The following CDK5 variants were observed in gnomAD, a reference collection of about 807,000 sequenced individuals.
CDK5 encodes cyclin dependent kinase 5.
A neutral mutation model predicts 44.6 loss-of-function variants in CDK5; 18 were observed. That is an observed-to-expected ratio of 0.40 (90% CI 0.28 to 0.60). The LOEUF (loss-of-function observed/expected upper bound fraction) is 0.60, where lower values mean the gene tolerates loss of function less well. Ranked by LOEUF, CDK5 falls within the 20% of genes least tolerant of loss-of-function variation. The probability of loss-of-function intolerance (pLI) is 0.38; values close to 1 mark genes in which losing one functional copy is unlikely to be tolerated. For synonymous variants in CDK5, 143 were observed against 152.8 expected, an observed-to-expected ratio of 0.94 and a Z score of 0.47; for missense variants, 198 against 368.1, an observed-to-expected ratio of 0.54 and a Z score of 3.78.
At chr7:151,055,128 A>C in intron 8 of CDK5, 32 bp from the exon 9 acceptor site, 2 of 1,600,392 alleles carry the variant, frequency 1.2e-6, no homozygotes, top group Non-Finnish European at 1.7e-6. Flanking sequence ...AAGATGTGAC[A>C]TGTGAAGGAC....
At position 151,057,680 on chromosome 7, in the gene CDK5, G is replaced by T. The variant is rs1262830415; in HGVS notation, c.37+132C>A. On this transcript the variant is annotated intron_variant, in intron 1 of 11. Transcript: ENST00000485972. This position sits in a 1 kb window ranked among gnomAD's most constrained non-coding sequence, Gnocchi z 5.2. ...GGTGTCTGCACGGAGTGCTGAGCTA[G>T]GGGGCCAGGGCTGCAGCCGCTGCTG... The T allele has an allele frequency of 5.2e-6, 5 of 961,436 alleles. No homozygotes were observed. In the African/African-American group the frequency reaches 8.1e-5, roughly 16 times the overall value. 59.6% of individuals were successfully genotyped at this position (961,436 alleles called of 1,614,324 possible).
Position 151,057,326 on chromosome 7 carries a change from G to A in CDK5, c.38-166C>T. On this transcript the variant is annotated intron_variant, in intron 1 of 11. Coordinates refer to ENST00000485972, the MANE Select transcript of CDK5 (RefSeq NM_004935.4). This position sits in a 1 kb window ranked among gnomAD's most constrained non-coding sequence, Gnocchi z 5.2. ...GAGTGAGGATGTGGCAGGTGGGGAG[G>A]GAGGAGAAGGTGCCCACCGAGGCTC... 1 of 670,210 alleles carries A rather than the reference G, an allele frequency of 1.5e-6. No individual in the cohort carries two copies. Among genetic ancestry groups the A allele is most frequent in the Non-Finnish European group, 2.7e-6 (1 of 371,520 alleles). 41.5% of individuals were successfully genotyped at this position (670,210 alleles called of 1,614,324 possible). A position where few individuals can be genotyped will look rare whatever the true frequency, so the allele number is the denominator to read the frequency against.
rs1461522168 is a variant in CDK5, at chr7:151,054,822, G to A, written c.650+205C>T. On this transcript the variant is annotated intron_variant, in intron 9 of 11. Transcript: ENST00000485972. This position sits in a 1 kb window ranked among gnomAD's most constrained non-coding sequence, Gnocchi z 5.7. ...CTTCACCCCTCAGGGCACGCTGCCT[G>A]TCTCCAAGCCACACCTTCTCCAGTG... Among the ~76,000 whole-genome samples, 3 of 152,168 alleles carry A rather than the reference G, an allele frequency of 2.0e-5. No homozygotes were observed. The highest frequency in any genetic ancestry group is 1.3e-4 in the Admixed American group (2 of 15,286).
Position 151,057,157 on chromosome 7 carries a change from G to A in CDK5, c.41C>T (p.Thr14Ile). The change falls in exon 2 of 12, where the codon ACC (threonine) becomes ATC (isoleucine). Residue 14 changes from threonine (T) to isoleucine (I), a missense_variant. Thr to Ile is a moderately conservative substitution (Grantham distance 89). Coordinates refer to ENST00000485972, the MANE Select transcript of CDK5 (RefSeq NM_004935.4). The surrounding 1 kb of genome is among the most constrained non-coding windows in gnomAD (Gnocchi z 5.2). ...TTTGGCCTTGAACACAGTTCCGTAG[G>A]TGCCTAGGGGAAGGAGGTCAGGGGT... is the stretch of plus-strand genomic sequence containing the variant. ...YEKLEKIGEGTYGTVFKAKNR... is the reference protein window; with the variant it reads ...YEKLEKIGEGIYGTVFKAKNR... 6.2e-7 allele frequency: 1 copy of A among 1,613,664 alleles called. No individual in the cohort carries two copies. Among genetic ancestry groups the A allele is most frequent in the Non-Finnish European group, 8.5e-7 (1 of 1,179,588 alleles).
rs766731629 is a variant in CDK5, at chr7:151,057,881, G to A, written c.-33C>T. ...GCCGCGGGGACCCCTGCGGGCCCTC[G>A]GTTTTAAGACTCTGGCCCCGGCGTT... On this transcript the variant is annotated 5_prime_UTR_variant, in exon 1 of 12. Coordinates refer to ENST00000485972, the MANE Select transcript of CDK5 (RefSeq NM_004935.4). The surrounding 1 kb of genome is among the most constrained non-coding windows in gnomAD (Gnocchi z 5.2). 3 of 1,593,366 alleles carry A rather than the reference G, an allele frequency of 1.9e-6. No homozygotes were observed. Among genetic ancestry groups the A allele is most frequent in the African/African-American group, 2.7e-5 (2 of 74,422 alleles).
Position 151,057,003 on chromosome 7 carries a change from G to A in CDK5, c.127-28C>T, listed in dbSNP as rs934470666. The A allele has an allele frequency of 1.2e-6, 2 of 1,613,528 alleles. No homozygotes were observed. Among genetic ancestry groups the A allele is most frequent in the Non-Finnish European group, 1.7e-6 (2 of 1,179,552 alleles). On this transcript the variant is annotated intron_variant, in intron 2 of 11. Transcript: ENST00000485972. The surrounding 1 kb of genome is among the most constrained non-coding windows in gnomAD (Gnocchi z 5.2). ...GCATATGTGAGGGGGCCGGTGGGCAGCAGTCAGATCCCACCCAGCCCAGGC... is the reference window on the plus strand; with the variant it reads ...GCATATGTGAGGGGGCCGGTGGGCAACAGTCAGATCCCACCCAGCCCAGGC...
rs775128740 is a variant in CDK5 at position 151,056,799 on chromosome 7, A to AG, written c.195-4dup. 8 of 1,610,174 alleles carry AG rather than the reference A, an allele frequency of 5.0e-6. No homozygotes were observed. Among genetic ancestry groups the AG allele is most frequent in the Non-Finnish European group, 5.9e-6 (7 of 1,178,182 alleles). On this transcript the variant is annotated splice_region_variant and splice_polypyrimidine_tract_variant and intron_variant, in intron 3 of 11. Transcript: ENST00000485972. The surrounding 1 kb of genome is among the most constrained non-coding windows in gnomAD (Gnocchi z 4.7). ...CGCTGTGCAGGACGTCATGAAGCCT[A>AG]GGGCAAAAGAAGGGCTCAGCCAGGC...
At chr7:151,055,662 C>A (rs993525174) in intron 6 of CDK5, 56 bp from the exon 7 acceptor site, 1 of 1,558,160 alleles carries the variant, frequency 6.4e-7, no homozygotes, top group Non-Finnish European at 8.8e-7. Context: ...CTTGGGACAG[C>A]ACCAACTCCA....
Position 151,054,122 on chromosome 7 carries a change from G to A in CDK5, c.793-27C>T. ...TGGAGATGGGGGAAAGGAGGTGGCA[G>A]GTTCAGGACAGGTCACTGCCCAGAG... is the stretch of plus-strand genomic sequence containing the variant. On this transcript the variant is annotated intron_variant, in intron 11 of 11. Coordinates refer to ENST00000485972, the MANE Select transcript of CDK5 (RefSeq NM_004935.4). This position sits in a 1 kb window ranked among gnomAD's most constrained non-coding sequence, Gnocchi z 5.7. The A allele has an allele frequency of 1.9e-6, 3 of 1,592,156 alleles. No homozygotes were observed. The highest frequency in any genetic ancestry group is 2.6e-6 in the Non-Finnish European group (3 of 1,168,932).
At position 151,056,311 on chromosome 7, in the gene CDK5, A is replaced by G. The variant is rs541646401; in HGVS notation, c.312+269T>C. On this transcript the variant is annotated intron_variant, in intron 5 of 11. Transcript: ENST00000485972. The surrounding 1 kb of genome is among the most constrained non-coding windows in gnomAD (Gnocchi z 4.7). Reference sequence around the variant, plus strand: ...CATTCAGTAAGTATGTGTTGAATGAATGAGTGTATCTCCTTGAACCTCATT... The same window carrying G: ...CATTCAGTAAGTATGTGTTGAATGAGTGAGTGTATCTCCTTGAACCTCATT... 2.4e-5 allele frequency: 14 copies of G among 582,932 alleles called. No homozygotes were observed. Among genetic ancestry groups the G allele is most frequent in the Non-Finnish European group, 4.3e-5 (14 of 327,502 alleles). The allele number at this position is 582,932 out of a possible 1,614,324, so 36.1% of individuals were successfully genotyped here.
intron 7 of CDK5, 77 bp downstream of exon 7, chr7:151,055,455 G>A: frequency 1.3e-6 from 2 of 1,563,562 alleles, no homozygotes; most frequent in South Asian, 1.1e-5. Context: ...GAGAGGAGAG[G>A]AAAATAATGT....
chr7:151,054,173 G>T lies in CDK5; in HGVS notation c.792+39C>A. The T allele has an allele frequency of 6.3e-7, 1 of 1,597,640 alleles. No individual in the cohort carries two copies. The highest frequency in any genetic ancestry group is 8.5e-7 in the Non-Finnish European group (1 of 1,171,360). ...CCCTGCCTTCCTGTAGTCCCACTGG[G>T]CAAGTGTCCTGACCCACCCTCTACC... is the stretch of plus-strand genomic sequence containing the variant. On this transcript the variant is annotated intron_variant, in intron 11 of 11. Coordinates refer to ENST00000485972, the MANE Select transcript of CDK5 (RefSeq NM_004935.4). This position sits in a 1 kb window ranked among gnomAD's most constrained non-coding sequence, Gnocchi z 5.7.
chr7:151,056,091 C>T lies in CDK5; in HGVS notation c.313-243G>A. On this transcript the variant is annotated intron_variant, in intron 5 of 11. Transcript: ENST00000485972. This position sits in a 1 kb window ranked among gnomAD's most constrained non-coding sequence, Gnocchi z 4.7. Reference sequence around the variant, plus strand: ...TTCCTGGACCATACAGCCTAATGGGCCTTGGCAGGTGGATCCTAGATCCGG... The same window carrying T: ...TTCCTGGACCATACAGCCTAATGGGTCTTGGCAGGTGGATCCTAGATCCGG... 1 of 559,480 alleles carries T rather than the reference C, an allele frequency of 1.8e-6. No homozygotes were observed. The highest frequency in any genetic ancestry group is 2.4e-5 in the South Asian group (1 of 41,914). The allele number at this position is 559,480 out of a possible 1,614,324, so 34.7% of individuals were successfully genotyped here. A position where few individuals can be genotyped will look rare whatever the true frequency, so the allele number is the denominator to read the frequency against.
chr7:151,057,016 A>C lies in CDK5; in HGVS notation c.127-41T>G, dbSNP rs1391594407. ...GGCCGGTGGGCAGCAGTCAGATCCC[A>C]CCCAGCCCAGGCCCTCAAACCCCTC... On this transcript the variant is annotated intron_variant, in intron 2 of 11. Coordinates refer to ENST00000485972, the MANE Select transcript of CDK5 (RefSeq NM_004935.4). The surrounding 1 kb of genome is among the most constrained non-coding windows in gnomAD (Gnocchi z 5.2). 1 of 1,609,570 alleles carries C rather than the reference A, an allele frequency of 6.2e-7. No homozygotes were observed. The highest frequency in any genetic ancestry group is 8.5e-7 in the Non-Finnish European group (1 of 1,176,530).
Position 151,057,159 on chromosome 7 carries a change from G to A in CDK5, c.39C>T (p.Gly13=), listed in dbSNP as rs1385586879. The change falls in exon 2 of 12, where the codon GGC becomes GGT. Residue 13 remains glycine, a splice_region_variant and synonymous_variant. Transcript: ENST00000485972. The surrounding 1 kb of genome is among the most constrained non-coding windows in gnomAD (Gnocchi z 5.2). ...KYEKLEKIGE[G]TYGTVFKAKN... is the part of the protein sequence containing the mutation. ...TGGCCTTGAACACAGTTCCGTAGGT[G>A]CCTAGGGGAAGGAGGTCAGGGGTCA... is the stretch of plus-strand genomic sequence containing the variant. The A allele has an allele frequency of 6.2e-7, 1 of 1,613,458 alleles. No homozygotes were observed.
rs760173955 is a variant in CDK5 at position 151,054,453 on chromosome 7, C to T, written c.663G>A (p.Thr221=). 4 of 1,612,792 alleles carry T rather than the reference C, an allele frequency of 2.5e-6. No homozygotes were observed. The highest frequency in any genetic ancestry group is 1.1e-5 in the South Asian group (1 of 90,972). ...TAGAGGGCCACTGCTCCTCGGTGGG[C>T]GTCCCCAGCAGTGTGTCCACGGAGT... ...QLKRIFRLLG[T]PTEEQWPSMT... is the part of the protein sequence containing the mutation. The change falls in exon 10 of 12, where the codon ACG becomes ACA. Residue 221 remains threonine, a synonymous_variant. Transcript: ENST00000485972. This position sits in a 1 kb window ranked among gnomAD's most constrained non-coding sequence, Gnocchi z 5.7.
rs1370854540 is a variant in CDK5 at position 151,057,894 on chromosome 7, T to G, written c.-46A>C. On this transcript the variant is annotated 5_prime_UTR_variant, in exon 1 of 12. Transcript: ENST00000485972. The surrounding 1 kb of genome is among the most constrained non-coding windows in gnomAD (Gnocchi z 5.2). ...CTGCGGGCCCTCGGTTTTAAGACTC[T>G]GGCCCCGGCGTTGCAGAGGAGGCGG... is the stretch of plus-strand genomic sequence containing the variant. The G allele has an allele frequency of 3.2e-6, 5 of 1,572,562 alleles. No homozygotes were observed. In the African/African-American group the frequency reaches 6.8e-5, roughly 21 times the overall value.
In CDK5 at chr7:151,055,524, T is replaced by C. The variant is rs372917464; in HGVS notation, c.483+8A>G. The stretch of plus-strand genomic sequence containing the variant: ...TCCCCCAATCCCATATCCCATCTTC[T>C]AGCTCACCTCAGCTGAGTAACAGCG... On this transcript the variant is annotated splice_region_variant and intron_variant, in intron 7 of 11. Transcript: ENST00000485972. The C allele has an allele frequency of 6.6e-5, 106 of 1,613,180 alleles. No individual in the cohort carries two copies. The Middle Eastern group carries it at 1.8e-3, about 28-fold the overall frequency.
chr7:151,055,710 T>C (rs1796881092), intron 6 of CDK5, 43 bp downstream of exon 6: 1 of 1,556,478 alleles, frequency 6.4e-7, no homozygotes, highest in African/African-American at 1.4e-5. Context: ...CCCCGTGCCC[T>C]GGCCCCAGCC....
Sources: gnomAD v4.1 joint callset for allele counts (sites outside exome capture counted in the v4.1 genomes callset) on GRCh38, gnomAD v4.1.1 for gene constraint, Gnocchi (gnomAD v3.1) non-coding constraint, MANE v1.5 for transcripts, NCBI Gene and HGNC (gene_info 2026-07-23, HGNC 2026-07-21) for gene names.